Variants in RIMS1 observed in about 807,000 individuals in gnomAD.
RIMS1 encodes the protein regulating synaptic membrane exocytosis 1.
RIMS1 carries 83 observed loss-of-function variants against 214.1 expected under a neutral mutation model. The observed-to-expected ratio is 0.39, with a 90% CI of 0.32 to 0.47. The LOEUF is 0.47. Among genes scored for constraint, RIMS1 ranks in the 20% least tolerant of loss-of-function variants. The pLI is 0.99. For synonymous variants in RIMS1, 793 were observed against 786.8 expected (o/e 1.01, Z -0.13); for missense variants, 2,050 against 2,161.8 (o/e 0.95, Z 1.03).
At chr6:71,915,438 T>C (rs1778081085) in intron 1 of RIMS1, among the ~76,000 whole-genome samples, 1 of 152,120 alleles carries the variant, frequency 6.6e-6, no homozygotes, top group African/African-American at 2.4e-5. Flanking sequence ...GTGTAGGTGG[T>C]CCAAGCTATT....
At chr6:72,255,413 A>G (rs2075394484) in intron 16 of RIMS1, among the ~76,000 whole-genome samples, 2 of 152,192 alleles carry the variant, frequency 1.3e-5, no homozygotes, top group Admixed American at 6.5e-5. Context: ...GTTCTACTAC[A>G]GCCAAAACTT....
intron 7 of RIMS1, among the ~76,000 whole-genome samples, chr6:72,235,323 T>G (rs1336332663): frequency 6.6e-6 from 1 of 152,034 alleles, no homozygotes; most frequent in East Asian, 1.9e-4. Flanking sequence ...AATTGTATAT[T>G]CTTTAACAAA....
At chr6:72,125,374 C>T (rs1355895068) in intron 4 of RIMS1, among the ~76,000 whole-genome samples, 1 of 152,150 alleles carries the variant, frequency 6.6e-6, no homozygotes, top group African/African-American at 2.4e-5. Context: ...CAGAGGGGCA[C>T]CCGGCTGTAT....
rs1588671326 is a variant in RIMS1, at chr6:72,182,486, G to A, written c.1015G>A (p.Ala339Thr). The A allele has an allele frequency of 6.2e-7, 1 of 1,611,318 alleles. No individual in the cohort carries two copies. ...DTPEKRDEGKAADEEKQRKEE... is the reference protein window; with the variant it reads ...DTPEKRDEGKTADEEKQRKEE... Reference sequence around the variant, plus strand: ...GCCGGAAAAACGGGATGAGGGCAAAGCGGCGGATGAGGAAAAGCAAAGAAA... The same window carrying A: ...GCCGGAAAAACGGGATGAGGGCAAAACGGCGGATGAGGAAAAGCAAAGAAA... Residue 339 changes from alanine (A) to threonine (T), a missense_variant, in exon 6 of 34, where the codon GCG becomes ACG. Ala to Thr is a moderately conservative substitution (Grantham distance 58). Transcript: ENST00000521978.
intron 23 of RIMS1, among the ~76,000 whole-genome samples, chr6:72,279,645 GTTGTC>G (rs2088981537): frequency 6.6e-6 from 1 of 152,032 alleles, no homozygotes; most frequent in Non-Finnish European, 1.5e-5. Flanking sequence ...CTGAAACAGT[GTTGTC>G]TTGTTCACTC....
At chr6:72,238,945 G>A (rs762190879) in intron 9 of RIMS1, among the ~76,000 whole-genome samples, 1 of 151,948 alleles carries the variant, frequency 6.6e-6, no homozygotes, top group Non-Finnish European at 1.5e-5. Context: ...TGCTGTGCAG[G>A]TGTATAGGAA....
chr6:72,049,064 G>C (rs923610550), intron 2 of RIMS1, among the ~76,000 whole-genome samples: 9 of 152,206 alleles, frequency 5.9e-5, no homozygotes, highest in Non-Finnish European at 1.2e-4. Context: ...CAGGGGCTGA[G>C]CTCAGAGCAG....
intron 9 of RIMS1, among the ~76,000 whole-genome samples, chr6:72,240,270 T>C (rs1347210714): frequency 6.6e-6 from 1 of 152,156 alleles, no homozygotes; most frequent in Non-Finnish European, 1.5e-5. Flanking sequence ...TTAAAAGTTA[T>C]GCGTCCAGGT....
At chr6:72,026,455 G>C (rs1348110402) in intron 2 of RIMS1, among the ~76,000 whole-genome samples, 222 of 85,490 alleles carry the variant, frequency 2.6e-3, no homozygotes, top group African/African-American at 4.0e-3. Context: ...CCCCAGCACC[G>C]CCCCCCCCCC....
At chr6:72,053,117 G>A (rs370914499) in intron 2 of RIMS1, among the ~76,000 whole-genome samples, 26 of 152,216 alleles carry the variant, frequency 1.7e-4, no homozygotes, top group East Asian at 5.8e-4. Flanking sequence ...GATCTATCCC[G>A]AAGTCTAACC....
chr6:72,110,581 A>T (rs2035854808), intron 4 of RIMS1, among the ~76,000 whole-genome samples: 1 of 149,412 alleles, frequency 6.7e-6, no homozygotes, highest in Non-Finnish European at 1.5e-5. Context: ...GAAGTTGCTT[A>T]TCAGCTTAAG....
chr6:72,215,195 T>G (rs2055311196), intron 6 of RIMS1, among the ~76,000 whole-genome samples: 1 of 152,212 alleles, frequency 6.6e-6, no homozygotes, highest in South Asian at 2.1e-4. Flanking sequence ...TATGTCTTCT[T>G]AATGACCATA....
chr6:71,970,624 A>T (rs1795620506), intron 2 of RIMS1, among the ~76,000 whole-genome samples: 1 of 152,290 alleles, frequency 6.6e-6, no homozygotes, highest in African/African-American at 2.4e-5. Flanking sequence ...CGTCACTTTA[A>T]TTGCACCTTG....
chr6:72,004,354 G>A (rs1308011068), intron 2 of RIMS1, among the ~76,000 whole-genome samples: 1 of 152,102 alleles, frequency 6.6e-6, no homozygotes, highest in Admixed American at 6.5e-5. Context: ...CTTTATAGCA[G>A]CATGATTTAT....
At chr6:72,341,196 G>T (rs58015227) in intron 29 of RIMS1, among the ~76,000 whole-genome samples, 5,826 of 152,010 alleles carry the variant, frequency 0.038, 406 homozygotes, top group African/African-American at 0.13. Flanking sequence ...AGACGACGGG[G>T]TTTTCTAGGT....
At chr6:72,172,520 CA>C (rs2047170250) in intron 4 of RIMS1, among the ~76,000 whole-genome samples, 1 of 152,116 alleles carries the variant, frequency 6.6e-6, no homozygotes, top group South Asian at 2.1e-4. Context: ...GATACTAAAG[CA>C]CAGAGATGTC....
At position 72,250,568 on chromosome 6, in the gene RIMS1, A is replaced by T. The variant is rs2072788192; in HGVS notation, c.2372+108A>T. The T allele has an allele frequency of 5.4e-6, 4 of 745,136 alleles. No individual in the cohort carries two copies. The South Asian group carries it at 9.4e-5, about 17-fold the overall frequency. The allele number at this position is 745,136 out of a possible 1,614,324, so 46.2% of individuals were successfully genotyped here. A position where few individuals can be genotyped will look rare whatever the true frequency, so the allele number is the denominator to read the frequency against. ...AAAAATATAATAGATAATTCTGAGG[A>T]GATAAAAGTACATTATCTCTGAAAA... On this transcript the variant is annotated intron_variant, in intron 13 of 33. Coordinates refer to ENST00000521978, the MANE Select transcript of RIMS1 (RefSeq NM_014989.7).
intron 29 of RIMS1, among the ~76,000 whole-genome samples, chr6:72,344,178 C>T (rs1393084303): frequency 1.3e-5 from 2 of 151,776 alleles, no homozygotes; most frequent in Non-Finnish European, 2.9e-5. Context: ...GAGCACCTTC[C>T]TGGAGAGCCT....
intron 6 of RIMS1, among the ~76,000 whole-genome samples, chr6:72,190,156 G>T (rs924344572): frequency 6.6e-6 from 1 of 152,112 alleles, no homozygotes; most frequent in South Asian, 2.1e-4. Flanking sequence ...TGTCCTTCAG[G>T]GATGTCCTAG....
Sources: gnomAD v4.1 joint callset for allele counts (sites outside exome capture counted in the v4.1 genomes callset) on GRCh38, gnomAD v4.1.1 for gene constraint, MANE v1.5 for transcripts, NCBI Gene and HGNC (gene_info 2026-07-23, HGNC 2026-07-21) for gene names.